The following ENPP2 variants were observed in gnomAD, a reference collection of about 807,000 sequenced individuals.
The protein encoded by ENPP2 is ectonucleotide pyrophosphatase/phosphodiesterase 2.
ENPP2 carries 51 observed loss-of-function variants against 120.2 expected under a neutral mutation model. The ratio of observed to expected loss-of-function variants is 0.42; its 90% confidence interval spans 0.34 to 0.54. The LOEUF (loss-of-function observed/expected upper bound fraction) is 0.54, where lower values mean the gene tolerates loss of function less well. ENPP2 is among the 20% of genes least tolerant of loss of function. ENPP2 has a pLI of 0.04. For synonymous variants in ENPP2, 365 were observed against 366.4 expected (o/e 1.00, Z 0.04); for missense variants, 920 against 1,066.5 (o/e 0.86, Z 1.91).
chr8:119,654,810 C>G (rs927545184), intron 1 of ENPP2, among the ~76,000 whole-genome samples: 1 of 152,188 alleles, frequency 6.6e-6, no homozygotes, highest in Non-Finnish European at 1.5e-5. Flanking sequence ...AATTCAGAAG[C>G]ACTTTGGCTA....
intron 21 of ENPP2, among the ~76,000 whole-genome samples, 198 bp from the exon 22 acceptor site, chr8:119,568,450 A>T (rs942989064): frequency 2.0e-4 from 30 of 152,022 alleles, no homozygotes; most frequent in African/African-American, 6.8e-4. Flanking sequence ...TCTTCACTCA[A>T]TAGCTCTCTC....
chr8:119,618,085 A>T (rs1308648700), intron 5 of ENPP2: 2 of 282,920 alleles, frequency 7.1e-6, no homozygotes, highest in Non-Finnish European at 1.4e-5. Flanking sequence ...TGTGTATGAG[A>T]TCTGTTAAGG....
intron 4 of ENPP2, 127 bp from the exon 5 acceptor site, chr8:119,619,431 AAT>A: frequency 3.3e-6 from 2 of 611,224 alleles, no homozygotes; most frequent in Admixed American, 3.2e-5. Context: ...AAAAAAAAAA[AAT>A]TCTGAAAAAA....
chr8:119,577,920 G>C (rs1452486059), intron 19 of ENPP2, among the ~76,000 whole-genome samples: 2 of 152,226 alleles, frequency 1.3e-5, no homozygotes, highest in African/African-American at 4.8e-5. Flanking sequence ...TCCACTCAGA[G>C]CAGAGCAATG....
Position 119,580,103 on chromosome 8 carries a change from A to C in ENPP2, c.1780+13T>G, listed in dbSNP as rs1430752781. On this transcript the variant is annotated intron_variant, in intron 19 of 24. Coordinates refer to ENST00000075322, the MANE Select transcript of ENPP2 (RefSeq NM_001040092.3). ...GAAAAACCTTATCTGATTATTTTGC[A>C]ACCACCCCTTACCTTCTGTAGACCC... The C allele has an allele frequency of 1.9e-6, 3 of 1,604,718 alleles. No homozygotes were observed. The African/African-American group carries it at 4.0e-5, about 21-fold the overall frequency.
intron 1 of ENPP2, among the ~76,000 whole-genome samples, chr8:119,656,466 G>A (rs1326255014): frequency 6.6e-6 from 1 of 152,076 alleles, no homozygotes; most frequent in South Asian, 2.1e-4. Flanking sequence ...CATGTACCAA[G>A]AGCCTACCAT....
At chr8:119,589,514 T>A (rs1479170270) in intron 13 of ENPP2, among the ~76,000 whole-genome samples, 1 of 152,062 alleles carries the variant, frequency 6.6e-6, no homozygotes, top group Non-Finnish European at 1.5e-5. Flanking sequence ...AGCCCTGAAG[T>A]GCAAATACTA....
intron 1 of ENPP2, among the ~76,000 whole-genome samples, chr8:119,653,140 T>C (rs566974644): frequency 6.6e-6 from 1 of 152,318 alleles, no homozygotes; most frequent in South Asian, 2.1e-4. Context: ...TCTGGATAGC[T>C]CGTTTTAAGA....
At chr8:119,640,900 A>T (rs538413645), upstream of ENPP2, among the ~76,000 whole-genome samples, 87 of 151,998 alleles carry the variant, frequency 5.7e-4, no homozygotes, top group African/African-American at 2.0e-3. Flanking sequence ...GTGCATGCCA[A>T]CACGCCTGGC....
intron 11 of ENPP2, chr8:119,596,116 C>T (rs1176683397): frequency 1.1e-6 from 1 of 942,418 alleles, no homozygotes; most frequent in African/African-American, 1.7e-5. Context: ...AACTAAGGCT[C>T]CTTAAGTGAG....
At chr8:119,654,862 TTC>T (rs1187715866) in intron 1 of ENPP2, among the ~76,000 whole-genome samples, 6 of 152,314 alleles carry the variant, frequency 3.9e-5, no homozygotes, top group African/African-American at 1.4e-4. Context: ...CATCTACTAT[TTC>T]TCTGTCTTCT....
intron 12 of ENPP2, among the ~76,000 whole-genome samples, chr8:119,591,528 A>G (rs1719632516): frequency 6.6e-6 from 1 of 152,214 alleles, no homozygotes; most frequent in African/African-American, 2.4e-5. Flanking sequence ...GTTTTAATAT[A>G]TTGCTCAGTA....
At chr8:119,665,169 A>G (rs1016278862) in intron 1 of ENPP2, among the ~76,000 whole-genome samples, 1 of 152,220 alleles carries the variant, frequency 6.6e-6, no homozygotes, top group Non-Finnish European at 1.5e-5. Flanking sequence ...AAATAAGGTC[A>G]CCTTCTAAGG....
intron 3 of ENPP2, 73 bp downstream of exon 3, chr8:119,626,492 C>A: frequency 7.8e-7 from 1 of 1,289,986 alleles, no homozygotes; most frequent in Non-Finnish European, 1.1e-6. Context: ...GGTGGCCACT[C>A]CAGGATGCAT....
chr8:119,654,592 G>A (rs72688239), intron 1 of ENPP2, among the ~76,000 whole-genome samples: 13,534 of 151,044 alleles, frequency 0.09, 861 homozygotes, highest in South Asian at 0.18. Flanking sequence ...CAATGTTCCC[G>A]CCTCAGCCCC....
chr8:119,616,351 T>G lies in ENPP2; in HGVS notation c.691A>C (p.Asn231His). The change falls in exon 8 of 25, where the codon AAT (asparagine) becomes CAT (histidine). Residue 231 changes from asparagine (N) to histidine (H), a missense_variant. By Grantham distance (68) the Asn-to-His change is moderately conservative (BLOSUM62 1). Coordinates refer to ENST00000075322, the MANE Select transcript of ENPP2 (RefSeq NM_001040092.3). ...TCAAATACAGGATCATACATTGAAT[T>G]GCCAACAATTCCATGTGATTCTGGA... Reference protein sequence around the residue: ...LYPESHGIVGNSMYDPVFDAT... With the variant: ...LYPESHGIVGHSMYDPVFDAT... 1.2e-6 allele frequency: 2 copies of G among 1,607,958 alleles called. No homozygotes were observed. The highest frequency in any genetic ancestry group is 1.7e-6 in the Non-Finnish European group (2 of 1,175,434).
intron 7 of ENPP2, 73 bp downstream of exon 7, chr8:119,617,091 A>C: frequency 1.0e-6 from 1 of 956,456 alleles, no homozygotes; most frequent in Non-Finnish European, 1.7e-6. Context: ...TTTTAAAAGT[A>C]AAGTCTCTCC....
intron 18 of ENPP2, 22 bp downstream of exon 18, chr8:119,582,396 T>G (rs771881071): frequency 4.4e-6 from 7 of 1,601,982 alleles, no homozygotes; most frequent in Non-Finnish European, 6.0e-6. Flanking sequence ...TTCTCCATAA[T>G]AAACATAAAG....
upstream of ENPP2, among the ~76,000 whole-genome samples, chr8:119,639,386 C>T (rs545007546): frequency 6.6e-6 from 1 of 152,294 alleles, no homozygotes; most frequent in South Asian, 2.1e-4. Context: ...CTTCTGCCTC[C>T]TTGAAAGTTT....
Sources: gnomAD v4.1 joint callset for allele counts (sites outside exome capture counted in the v4.1 genomes callset) on GRCh38, gnomAD v4.1.1 for gene constraint, MANE v1.5 for transcripts, NCBI Gene and HGNC (gene_info 2026-07-23, HGNC 2026-07-21) for gene names.